Variants in DOCK3 observed in about 807,000 individuals in gnomAD.
The protein encoded by DOCK3 is dedicator of cytokinesis 3, also known as dedicator of cytokinesis protein 3.
In DOCK3, 60 loss-of-function variants were observed where a neutral mutation model predicts 265.6. That is an observed-to-expected ratio of 0.23 (90% confidence interval 0.18 to 0.28). DOCK3 has a LOEUF of 0.28. DOCK3 is among the 10% of genes least tolerant of loss of function. DOCK3 has a pLI of 1.00. For missense variants in DOCK3, 1,981 were observed against 2,594.3 expected (o/e 0.76, Z 5.14); for synonymous variants, 881 against 938.0 (o/e 0.94, Z 1.11).
chr3:50,986,109 A>G (rs1440592492), intron 5 of DOCK3, among the ~76,000 whole-genome samples: 4 of 152,088 alleles, frequency 2.6e-5, no homozygotes, highest in South Asian at 2.1e-4. Flanking sequence ...TTCAGTTTCT[A>G]TTATGTTTAA....
chr3:50,968,238 C>G (rs1394948756), intron 5 of DOCK3, among the ~76,000 whole-genome samples: 1 of 152,078 alleles, frequency 6.6e-6, no homozygotes, highest in African/African-American at 2.4e-5. Flanking sequence ...ACAGTAATAG[C>G]TCACTGCAGC....
intron 27 of DOCK3, among the ~76,000 whole-genome samples, chr3:51,294,097 C>G (rs1049762682): frequency 1.3e-5 from 2 of 152,092 alleles, no homozygotes; most frequent in Non-Finnish European, 2.9e-5. Context: ...GGGTATATAC[C>G]CAGAGGAATT....
chr3:50,780,572 A>G (rs1382273005), intron 2 of DOCK3, among the ~76,000 whole-genome samples: 1 of 152,162 alleles, frequency 6.6e-6, no homozygotes, highest in Non-Finnish European at 1.5e-5. Context: ...TTTTTAATTG[A>G]CAAATAATAG....
At chr3:51,236,057 GT>G (rs1288974928) in intron 19 of DOCK3, among the ~76,000 whole-genome samples, 1 of 152,142 alleles carries the variant, frequency 6.6e-6, no homozygotes, top group East Asian at 1.9e-4. Context: ...GTGTCCTATG[GT>G]TTTTAGGGCA....
intron 3 of DOCK3, among the ~76,000 whole-genome samples, chr3:50,883,425 G>C (rs2048160515): frequency 6.6e-6 from 1 of 152,000 alleles, no homozygotes; most frequent in Non-Finnish European, 1.5e-5. Flanking sequence ...CCATGGGTTT[G>C]CTTACATTTT....
At chr3:50,863,389 A>G in intron 3 of DOCK3, 1 of 518,108 alleles carries the variant, frequency 1.9e-6, no homozygotes, top group East Asian at 5.5e-5. Flanking sequence ...TTCCCAAATA[A>G]TCACCAATAG....
intron 9 of DOCK3, among the ~76,000 whole-genome samples, chr3:51,120,815 G>C (rs2083979230): frequency 6.6e-6 from 1 of 152,130 alleles, no homozygotes; most frequent in South Asian, 2.1e-4. Context: ...TATCCCTCCT[G>C]CCACCAAGCT....
intron 5 of DOCK3, among the ~76,000 whole-genome samples, chr3:50,976,727 A>G (rs2077464889): frequency 6.6e-6 from 1 of 151,026 alleles, no homozygotes; most frequent in African/African-American, 2.4e-5. Flanking sequence ...TGATCTGTCT[A>G]ATGTTGACAG....
At chr3:51,098,791 C>T (rs965851162) in intron 9 of DOCK3, among the ~76,000 whole-genome samples, 3 of 152,154 alleles carry the variant, frequency 2.0e-5, no homozygotes, top group African/African-American at 7.2e-5. Context: ...TCTGTGAGTT[C>T]CAGCAGAAAT....
chr3:50,966,600 C>T (rs2077041224), intron 5 of DOCK3, among the ~76,000 whole-genome samples: 1 of 147,960 alleles, frequency 6.8e-6, no homozygotes, highest in Non-Finnish European at 1.5e-5. Flanking sequence ...TGATACTGAA[C>T]ACCTTTTCAT....
At chr3:51,244,831 A>G (rs1022208283) in intron 21 of DOCK3, among the ~76,000 whole-genome samples, 1 of 152,210 alleles carries the variant, frequency 6.6e-6, no homozygotes, top group Non-Finnish European at 1.5e-5. Flanking sequence ...CTGATATTTC[A>G]GACTATAGTT....
At chr3:50,765,387 C>T (rs1003512847) in intron 1 of DOCK3, among the ~76,000 whole-genome samples, 1 of 151,972 alleles carries the variant, frequency 6.6e-6, no homozygotes, top group Admixed American at 6.6e-5. Context: ...TCCAGCCTTT[C>T]TTAGAATTTA....
At chr3:51,160,797 G>T (rs140320417) in intron 12 of DOCK3, 95 bp downstream of exon 12, 75 of 1,444,228 alleles carry the variant, frequency 5.2e-5, no homozygotes, top group Admixed American at 2.0e-4. Context: ...TGTGGACACA[G>T]GCCACGCAGT....
rs2085775448 is a variant in DOCK3, at chr3:51,348,882, G to T, written c.3946G>T (p.Glu1316Ter). The change falls in exon 39 of 53, where the codon GAG (glutamate) becomes TAG (stop). Residue 1316 changes from glutamate to a stop codon, truncating the protein, a stop_gained. Transcript: ENST00000266037. LOFTEE classifies it high-confidence loss of function. ...SWEFGIPLCR[E>*]LACQYESLYD... ...GGAGTTTGGGATCCCACTGTGCAGG[G>T]AGCTGGCGTGTCAGTACGAGAGCCT... 6.3e-6 allele frequency: 10 copies of T among 1,585,148 alleles called. No individual in the cohort carries two copies. Among genetic ancestry groups the T allele is most frequent in the Non-Finnish European group, 8.6e-6 (10 of 1,165,600 alleles).
At chr3:50,752,111 C>T (rs2039856392) in intron 1 of DOCK3, among the ~76,000 whole-genome samples, 1 of 152,070 alleles carries the variant, frequency 6.6e-6, no homozygotes, top group African/African-American at 2.4e-5. Context: ...TTTTCTGCTT[C>T]ATAGGGAAGG....
chr3:50,858,477 C>A (rs909863428), intron 3 of DOCK3, among the ~76,000 whole-genome samples: 1 of 150,794 alleles, frequency 6.6e-6, no homozygotes. Context: ...AGTATAGGCT[C>A]CCAGTCTCTT....
intron 3 of DOCK3, among the ~76,000 whole-genome samples, chr3:50,888,379 A>G (rs985660510): frequency 2.0e-5 from 3 of 152,154 alleles, no homozygotes; most frequent in African/African-American, 4.8e-5. Context: ...ATAAATGGAA[A>G]AACATTCCAT....
chr3:51,266,383 C>G (rs1365087614), intron 23 of DOCK3, among the ~76,000 whole-genome samples: 1 of 152,120 alleles, frequency 6.6e-6, no homozygotes, highest in Non-Finnish European at 1.5e-5. Flanking sequence ...CAATCCTAAG[C>G]CAAAGGAACA....
intron 4 of DOCK3, 61 bp downstream of exon 4, chr3:50,890,142 T>C: frequency 7.6e-7 from 1 of 1,324,382 alleles, no homozygotes; most frequent in South Asian, 1.7e-5. Context: ...GGAAGATTGT[T>C]TTTCCTTTTG....
Sources: allele counts gnomAD v4.1 joint callset (sites outside exome capture counted in the v4.1 genomes callset), GRCh38; gene constraint gnomAD v4.1.1; transcripts MANE v1.5; gene names NCBI Gene and HGNC (gene_info 2026-07-23, HGNC 2026-07-21).